Variants in NAV2 observed in about 807,000 individuals in gnomAD.
NAV2 encodes the protein neuron navigator 2, also known as helicase, APC down-regulated 1.
A neutral mutation model predicts 223.2 loss-of-function variants in NAV2; 54 were observed. The observed-to-expected ratio is 0.24, with a 90% CI of 0.19 to 0.30. NAV2 has a LOEUF of 0.30. Among genes scored for constraint, NAV2 ranks in the 10% least tolerant of loss-of-function variants. The pLI, the probability that NAV2 is intolerant of heterozygous loss-of-function variation, is 1.00. For synonymous variants in NAV2, 1,279 were observed against 1,239.3 expected, an observed-to-expected ratio of 1.03 and a Z score of -0.67; for missense variants, 2,806 against 3,147.5, an observed-to-expected ratio of 0.89 and a Z score of 2.60.
chr11:19,385,548 T>C (rs1439590144), intron 1 of NAV2, among the ~76,000 whole-genome samples: 6 of 152,188 alleles, frequency 3.9e-5, no homozygotes, highest in African/African-American at 9.7e-5. Context: ...CACCAAAGAT[T>C]GAAGTCTTGA....
At chr11:19,507,657 G>A (rs2043162285) in intron 1 of NAV2, among the ~76,000 whole-genome samples, 1 of 152,154 alleles carries the variant, frequency 6.6e-6, no homozygotes, top group Admixed American at 6.5e-5. Flanking sequence ...CTCAGTTTCT[G>A]GAGCATTATA....
intron 1 of NAV2, among the ~76,000 whole-genome samples, chr11:19,700,554 C>T (rs894116734): frequency 6.6e-6 from 1 of 152,124 alleles, no homozygotes; most frequent in African/African-American, 2.4e-5. Flanking sequence ...AAAAGAGCAA[C>T]CGAAACCCTG....
chr11:19,657,431 T>C (rs2048157486), intron 1 of NAV2, among the ~76,000 whole-genome samples: 1 of 152,224 alleles, frequency 6.6e-6, no homozygotes, highest in Admixed American at 6.5e-5. Context: ...TGAACTCAAG[T>C]TAATTTTCAA....
intron 1 of NAV2, among the ~76,000 whole-genome samples, chr11:19,490,928 G>C (rs1044472120): frequency 6.6e-6 from 1 of 152,168 alleles, no homozygotes; most frequent in Admixed American, 6.5e-5. Flanking sequence ...TGGATGCTAT[G>C]TTAACAGGCA....
chr11:19,779,609 T>C (rs1371028973), intron 1 of NAV2, among the ~76,000 whole-genome samples: 1 of 152,256 alleles, frequency 6.6e-6, no homozygotes, highest in Admixed American at 6.5e-5. Context: ...CTGAATCAGT[T>C]TTCCTCTTTT....
At chr11:19,553,799 A>G (rs1382295607) in intron 1 of NAV2, among the ~76,000 whole-genome samples, 2 of 152,248 alleles carry the variant, frequency 1.3e-5, no homozygotes, top group Admixed American at 1.3e-4. Flanking sequence ...CCAGGGCTCC[A>G]GGGACCCAGA....
intron 1 of NAV2, among the ~76,000 whole-genome samples, chr11:19,616,440 C>T (rs2046796480): frequency 6.6e-6 from 1 of 151,898 alleles, no homozygotes; most frequent in Non-Finnish European, 1.5e-5. Flanking sequence ...CAAGGGTGTC[C>T]ATAGACACAC....
Position 19,823,893 on chromosome 11 carries a change from A to G in NAV2, c.268-8591A>G, listed in dbSNP as rs187356825. Among the ~76,000 whole-genome samples, 133 of 152,258 alleles carry G rather than the reference A, an allele frequency of 8.7e-4. No homozygotes were observed. In the East Asian group the frequency reaches 0.022, roughly 25 times the overall value. ...TAACAAACCTGCACGTTCTACACAC[A>G]TATCTGAGAACTTAAAGTATTAAAA... On this transcript the variant is annotated intron_variant, in intron 1 of 37. Coordinates refer to ENST00000349880, the MANE Select transcript of NAV2 (RefSeq NM_145117.5).
At chr11:19,986,230 AG>A (rs1009923387) in intron 11 of NAV2, among the ~76,000 whole-genome samples, 8 of 152,188 alleles carry the variant, frequency 5.3e-5, no homozygotes, top group African/African-American at 1.9e-4. Flanking sequence ...AGCACTTGTT[AG>A]GTTGTTTTAG....
intron 1 of NAV2, among the ~76,000 whole-genome samples, chr11:19,450,928 G>T (rs747214966): frequency 1.3e-5 from 2 of 152,150 alleles, no homozygotes; most frequent in African/African-American, 2.4e-5. Flanking sequence ...GGGTCTGCTG[G>T]GTGAGGTGGA....
chr11:19,527,009 C>T (rs1283280617), intron 1 of NAV2, among the ~76,000 whole-genome samples: 2 of 152,108 alleles, frequency 1.3e-5, no homozygotes, highest in Non-Finnish European at 2.9e-5. Context: ...GTTTATTTCT[C>T]CATGCTATGG....
intron 37 of NAV2, 107 bp from the exon 38 acceptor site, chr11:20,118,026 G>T: frequency 7.7e-7 from 1 of 1,292,844 alleles, no homozygotes. Flanking sequence ...TCCACTGTGG[G>T]CTGTTATCCC....
intron 3 of NAV2, among the ~76,000 whole-genome samples, chr11:19,865,421 G>C (rs1171089088): frequency 6.6e-6 from 1 of 152,184 alleles, no homozygotes; most frequent in Non-Finnish European, 1.5e-5. Flanking sequence ...CTGGATCAAA[G>C]AAACAATCTC....
intron 2 of NAV2, among the ~76,000 whole-genome samples, chr11:19,840,662 G>C (rs2060462839): frequency 6.6e-6 from 1 of 152,202 alleles, no homozygotes; most frequent in Non-Finnish European, 1.5e-5. Flanking sequence ...GTATGGAAGA[G>C]TGCCATCTGT....
At position 19,602,737 on chromosome 11, in the gene NAV2, C is replaced by T. The variant is rs574716953; in HGVS notation, c.76-229747C>T. The stretch of plus-strand genomic sequence containing the variant: ...TCACTCCAATCTCTGCCTCTGTTTT[C>T]GCCTGGCCCCCTCCTCTGTATCTTC... On this transcript the variant is annotated intron_variant, in intron 1 of 37. Coordinates refer to the NAV2 transcript ENST00000360655. Among the ~76,000 whole-genome samples the T allele has an allele frequency of 1.2e-4, 18 of 152,300 alleles. No homozygotes were observed. The South Asian group carries it at 3.5e-3, about 30-fold the overall frequency.
intron 1 of NAV2, among the ~76,000 whole-genome samples, chr11:19,612,176 C>T (rs1459106475): frequency 6.6e-6 from 1 of 152,224 alleles, no homozygotes; most frequent in African/African-American, 2.4e-5. Flanking sequence ...CACAGGGTGC[C>T]AAGTCCCTAG....
intron 25 of NAV2, among the ~76,000 whole-genome samples, chr11:20,082,806 G>C (rs1293142366): frequency 6.6e-6 from 1 of 152,196 alleles, no homozygotes; most frequent in Non-Finnish European, 1.5e-5. Flanking sequence ...GTTACCCACA[G>C]ATGCAGTCCC....
chr11:19,609,457 G>A (rs1312557802), intron 1 of NAV2, among the ~76,000 whole-genome samples: 1 of 152,138 alleles, frequency 6.6e-6, no homozygotes, highest in African/African-American at 2.4e-5. Flanking sequence ...AGAGAGGGAA[G>A]AAGAGCAGGT....
intron 12 of NAV2, among the ~76,000 whole-genome samples, chr11:20,043,297 G>GT (rs2057114645): frequency 6.6e-6 from 1 of 152,186 alleles, no homozygotes. Context: ...AGCCGCCAGA[G>GT]TTGGAGGAGG....
Sources: gnomAD v4.1 joint callset for allele counts (sites outside exome capture counted in the v4.1 genomes callset) on GRCh38, gnomAD v4.1.1 for gene constraint, MANE v1.5 for transcripts, NCBI Gene and HGNC (gene_info 2026-07-23, HGNC 2026-07-21) for gene names.